ACSL1: variants seen among roughly 807,000 people sequenced by gnomAD.
ACSL1 encodes the protein acyl-CoA synthetase long chain family member 1, also known as long-chain-fatty-acid--CoA ligase 1.
A neutral mutation model predicts 98.4 loss-of-function variants in ACSL1; 41 were observed. That is an observed-to-expected ratio of 0.42 (90% CI 0.32 to 0.54). ACSL1 has a LOEUF of 0.54. ACSL1 is among the 20% of genes least tolerant of loss of function. The probability of loss-of-function intolerance (pLI) is 0.13; values close to 1 mark genes in which losing one functional copy is unlikely to be tolerated. For synonymous variants in ACSL1, 316 were observed against 322.7 expected (o/e 0.98, Z 0.22); for missense variants, 734 against 883.1 (o/e 0.83, Z 2.14).
chr4:184,776,953 A>G lies in ACSL1; in HGVS notation c.508T>C (p.Tyr170His). ...WVIIEQGCFA[Y>H]SMVIVPLYDT... ...TAAAGTGGAACGATCACCATCGAAT[A>G]AGCAAAGCATCCTTGTTCAATAATC... The change falls in exon 6 of 21, where the codon TAT becomes CAT. Residue 170 changes from tyrosine (Y) to histidine (H), a missense_variant. By Grantham distance (83) the Tyr-to-His change is moderately conservative. Transcript: ENST00000281455. 2 of 1,614,210 alleles carry G rather than the reference A, an allele frequency of 1.2e-6. No homozygotes were observed. The highest frequency in any genetic ancestry group is 1.7e-6 in the Non-Finnish European group (2 of 1,180,028).
chr4:184,810,416 T>C (rs571763095), intron 1 of ACSL1, among the ~76,000 whole-genome samples: 1 of 152,296 alleles, frequency 6.6e-6, no homozygotes, highest in East Asian at 1.9e-4. Flanking sequence ...GACACTTTCA[T>C]CTTATATTGG....
chr4:184,768,956 C>T (rs951866151), intron 11 of ACSL1, among the ~76,000 whole-genome samples: 6 of 151,952 alleles, frequency 3.9e-5, no homozygotes, highest in African/African-American at 1.5e-4. Context: ...ATAGTCCCAG[C>T]GACTCAGGAG....
rs1768575511 is a variant in ACSL1, at chr4:184,792,535, G to A, written c.196-3804C>T. 2.6e-5 allele frequency among the ~76,000 whole-genome samples: 4 copies of A among 152,130 alleles called. No individual in the cohort carries two copies. In the South Asian group the frequency reaches 8.3e-4, roughly 31 times the overall value. Reference sequence around the variant, plus strand: ...ACTGCCGTCTCAACCGTCTGACTGAGCTCAAGCAATCCTCGCACTTAGCCT... The same window carrying A: ...ACTGCCGTCTCAACCGTCTGACTGAACTCAAGCAATCCTCGCACTTAGCCT... On this transcript the variant is annotated intron_variant, in intron 2 of 20. Coordinates refer to ENST00000281455, the MANE Select transcript of ACSL1 (RefSeq NM_001995.5).
At chr4:184,770,538 G>A (rs1007563277) in intron 10 of ACSL1, 62 bp from the exon 11 acceptor site, 13 of 955,324 alleles carry the variant, frequency 1.4e-5, no homozygotes, top group South Asian at 6.4e-5. Context: ...GGGGAACATC[G>A]CACACCAGGG....
chr4:184,786,796 C>T (rs1235826304), intron 3 of ACSL1, among the ~76,000 whole-genome samples: 3 of 149,776 alleles, frequency 2.0e-5, no homozygotes, highest in East Asian at 2.0e-4. Context: ...CCGGTTCAAG[C>T]GATTCTCCTG....
At chr4:184,799,376 C>CA (rs940437066) in intron 2 of ACSL1, among the ~76,000 whole-genome samples, 11 of 152,152 alleles carry the variant, frequency 7.2e-5, no homozygotes, top group Non-Finnish European at 1.3e-4. Context: ...CTTGGCCTCC[C>CA]AAAGTGCTAG....
At chr4:184,760,949 T>C (rs553178021) in intron 17 of ACSL1, among the ~76,000 whole-genome samples, 1 of 152,348 alleles carries the variant, frequency 6.6e-6, no homozygotes, top group East Asian at 1.9e-4. Context: ...AAAGGCCAAA[T>C]TCCTGTTTTC....
intron 5 of ACSL1, among the ~76,000 whole-genome samples, chr4:184,777,842 G>C (rs1310732154): frequency 6.6e-6 from 1 of 152,044 alleles, no homozygotes; most frequent in Admixed American, 6.6e-5. Flanking sequence ...GGGATGGCAG[G>C]ATCAAAAGCA....
intron 3 of ACSL1, 147 bp downstream of exon 3, chr4:184,788,470 G>T (rs112701798): frequency 1.7e-5 from 12 of 717,714 alleles, no homozygotes; most frequent in Middle Eastern, 4.6e-4. Context: ...CTTTGGGACC[G>T]ACTCTGGGAA....
chr4:184,822,164 C>CT (rs963681835), intron 1 of ACSL1, among the ~76,000 whole-genome samples: 16 of 150,424 alleles, frequency 1.1e-4, no homozygotes, highest in African/African-American at 2.4e-4. Flanking sequence ...ATTGTTTTTA[C>CT]TTTTTTTTTT....
At chr4:184,758,507 G>C (rs1201280109) in intron 18 of ACSL1, 2 of 152,384 alleles carry the variant, frequency 1.3e-5, no homozygotes, top group Non-Finnish European at 2.9e-5. Flanking sequence ...AATGAGCTAT[G>C]ACTGCCATTA....
Position 184,803,021 on chromosome 4 carries a change from T to C in ACSL1, c.195+299A>G, listed in dbSNP as rs1770785316. On this transcript the variant is annotated intron_variant, in intron 2 of 20. Coordinates refer to ENST00000281455, the MANE Select transcript of ACSL1 (RefSeq NM_001995.5). The surrounding 1 kb of genome is among the most constrained non-coding windows in gnomAD (Gnocchi z 4.8). The stretch of plus-strand genomic sequence containing the variant: ...AGGGGTTCTGTGCTATATTTTTCCT[T>C]ATGGAATCCTCCAGGCTGACCACAG... Among the ~76,000 whole-genome samples the C allele has an allele frequency of 6.6e-6, 1 of 152,144 alleles. No homozygotes were observed.
At chr4:184,784,741 C>T (rs1224300649) in intron 3 of ACSL1, among the ~76,000 whole-genome samples, 2 of 152,188 alleles carry the variant, frequency 1.3e-5, no homozygotes, top group Admixed American at 1.3e-4. Flanking sequence ...GGGCTGGCCC[C>T]ATCACACAGA....
In ACSL1 at chr4:184,766,617, G is replaced by C; in HGVS notation, c.1263+5C>G. On this transcript the variant is annotated splice_donor_5th_base_variant and intron_variant, in intron 13 of 20. Transcript: ENST00000281455. This position sits in a 1 kb window ranked among gnomAD's most constrained non-coding sequence, Gnocchi z 4.8. ...TGGGAGCAGTGGCTGTGAGTCACGT[G>C]TTACCTGTACTTTGTGGAAGATCAG... The C allele has an allele frequency of 6.2e-7, 1 of 1,612,944 alleles. No homozygotes were observed. Among genetic ancestry groups the C allele is most frequent in the Non-Finnish European group, 8.5e-7 (1 of 1,179,086 alleles).
rs1176190178 is a variant in ACSL1, at chr4:184,825,855, C to A, written c.-33+61G>T. On this transcript the variant is annotated intron_variant, in intron 1 of 20. Transcript: ENST00000281455. The surrounding 1 kb of genome is among the most constrained non-coding windows in gnomAD (Gnocchi z 4.7). ...TGAAGGGCAACGTCAGCCGGCGCCT[C>A]GGCCGGGGCCCGGGCACCGCCGCGG... 2.7e-5 allele frequency: 4 copies of A among 148,846 alleles called. No homozygotes were observed. Among genetic ancestry groups the A allele is most frequent in the Non-Finnish European group, 6.0e-5 (4 of 66,704 alleles). The allele number at this position is 148,846 out of a possible 1,614,324, so 9.2% of individuals were successfully genotyped here.
chr4:184,768,348 C>T lies in ACSL1; in HGVS notation c.1096G>A (p.Val366Ile). 6.2e-7 allele frequency: 1 copy of T among 1,613,200 alleles called. No homozygotes were observed. Among genetic ancestry groups the T allele is most frequent in the Non-Finnish European group, 8.5e-7 (1 of 1,179,802 alleles). Reference sequence around the variant, plus strand: ...AACATCCGGTTCAGCAGTCTTGGAACCACGGGGAAGACAGTGGGTTGAAGC... The same window carrying T: ...AACATCCGGTTCAGCAGTCTTGGAATCACGGGGAAGACAGTGGGTTGAAGC... Reference protein sequence around the residue: ...KVLQPTVFPVVPRLLNRMFDR... With the variant: ...KVLQPTVFPVIPRLLNRMFDR... Residue 366 changes from valine to isoleucine, a missense_variant, in exon 12 of 21, where the codon GTT (valine) becomes ATT (isoleucine). By Grantham distance (29) the Val-to-Ile change is conservative (BLOSUM62 3). Transcript: ENST00000281455.
chr4:184,816,213 A>G (rs1772622067), intron 1 of ACSL1, among the ~76,000 whole-genome samples: 1 of 152,042 alleles, frequency 6.6e-6, no homozygotes, highest in Non-Finnish European at 1.5e-5. Flanking sequence ...AAAACATGGG[A>G]CCCTGTTCTG....
intron 1 of ACSL1, among the ~76,000 whole-genome samples, chr4:184,820,265 C>A (rs1414173577): frequency 1.3e-5 from 2 of 152,240 alleles, no homozygotes; most frequent in East Asian, 1.9e-4. Context: ...GATCCGCCCA[C>A]CTCGGCCTCC....
At chr4:184,822,418 A>G (rs925808706) in intron 1 of ACSL1, among the ~76,000 whole-genome samples, 2 of 152,178 alleles carry the variant, frequency 1.3e-5, no homozygotes, top group Non-Finnish European at 2.9e-5. Context: ...GTGAATCAAT[A>G]CTGTGTTGTT....
Sources: allele counts gnomAD v4.1 joint callset (sites outside exome capture counted in the v4.1 genomes callset), GRCh38; gene constraint gnomAD v4.1.1; non-coding constraint Gnocchi (gnomAD v3.1); transcripts MANE v1.5; gene names NCBI Gene and HGNC (gene_info 2026-07-23, HGNC 2026-07-21).